SSBP3: variants seen among roughly 807,000 people sequenced by gnomAD.
SSBP3 encodes the protein single stranded DNA binding protein 3, also known as single-stranded DNA-binding protein 3.
A neutral mutation model predicts 69.6 loss-of-function variants in SSBP3; 5 were observed. The ratio of observed to expected loss-of-function variants is 0.07; its 90% CI spans 0.04 to 0.15. The LOEUF is 0.15. Among genes scored for constraint, SSBP3 ranks in the 10% least tolerant of loss-of-function variants. The pLI is 1.00. For synonymous variants in SSBP3, 196 were observed against 193.4 expected, an observed-to-expected ratio of 1.01 and a Z score of -0.11; for missense variants, 312 against 534.0, an observed-to-expected ratio of 0.58 and a Z score of 4.10.
At chr1:54,405,964 C>T (rs1297943255) in exon 1 of SSBP3, 4 of 1,457,562 alleles carry the variant, frequency 2.7e-6, no homozygotes, top group Admixed American at 2.2e-5. Context: ...TTTCCCGAGC[C>T]TGCCCATCCG....
chr1:54,309,046 A>AT (rs1415703998), intron 4 of SSBP3, among the ~76,000 whole-genome samples: 1 of 152,266 alleles, frequency 6.6e-6, no homozygotes, highest in Non-Finnish European at 1.5e-5. Context: ...GAACTGGGGC[A>AT]TATGTGCATA....
intron 4 of SSBP3, among the ~76,000 whole-genome samples, chr1:54,389,785 G>A (rs1648351128): frequency 1.3e-5 from 2 of 152,174 alleles, no homozygotes; most frequent in South Asian, 2.1e-4. Flanking sequence ...GGCTGAGCCA[G>A]GAGAATCACC....
In SSBP3 at chr1:54,250,196, G is replaced by T. The variant is rs1002006090; in HGVS notation, c.651+1420C>A. ...CAGCTTAAAAGGAGCTAGCAGAAAC[G>T]CGAACTTTGGAGGATTTGAGGAAGG... is the stretch of plus-strand genomic sequence containing the variant. On this transcript the variant is annotated intron_variant, in intron 9 of 17. Coordinates refer to ENST00000610401, the Ensembl canonical transcript of SSBP3. Among the ~76,000 whole-genome samples, 4 of 152,192 alleles carry T rather than the reference G, an allele frequency of 2.6e-5. No individual in the cohort carries two copies. In the East Asian group the frequency reaches 5.8e-4, roughly 22 times the overall value.
At chr1:54,336,323 G>A (rs990507220) in intron 4 of SSBP3, among the ~76,000 whole-genome samples, 1 of 152,176 alleles carries the variant, frequency 6.6e-6, no homozygotes, top group East Asian at 1.9e-4. Context: ...GGGACTCACC[G>A]GAAATCTTCC....
intron 4 of SSBP3, among the ~76,000 whole-genome samples, chr1:54,389,689 T>C (rs1229322069): frequency 6.6e-6 from 1 of 150,958 alleles, no homozygotes; most frequent in Non-Finnish European, 1.5e-5. Flanking sequence ...AAACCCTGTC[T>C]CTACCAAAAA....
intron 4 of SSBP3, among the ~76,000 whole-genome samples, chr1:54,388,377 A>G (rs1309585851): frequency 6.6e-6 from 1 of 152,232 alleles, no homozygotes; most frequent in Non-Finnish European, 1.5e-5. Context: ...AAATGAGGTC[A>G]TAACAGCCCC....
chr1:54,234,450 T>TG (rs1174422176), intron 14 of SSBP3, among the ~76,000 whole-genome samples: 2 of 151,982 alleles, frequency 1.3e-5, no homozygotes, highest in African/African-American at 4.8e-5. Flanking sequence ...TAGCCGGGTG[T>TG]GGTGGCACGT....
chr1:54,327,472 T>C (rs1300540777), intron 4 of SSBP3, among the ~76,000 whole-genome samples: 1 of 152,090 alleles, frequency 6.6e-6, no homozygotes, highest in Non-Finnish European at 1.5e-5. Flanking sequence ...CATCAATCAC[T>C]CTGTAATGTG....
chr1:54,283,643 G>A (rs1157813749), intron 4 of SSBP3, among the ~76,000 whole-genome samples: 1 of 152,216 alleles, frequency 6.6e-6, no homozygotes, highest in Non-Finnish European at 1.5e-5. Flanking sequence ...CAGATGAAGA[G>A]AATGGGCAAG....
chr1:54,405,288 G>A (rs1392476707), intron 1 of SSBP3, among the ~76,000 whole-genome samples: 4 of 152,152 alleles, frequency 2.6e-5, no homozygotes, highest in Non-Finnish European at 4.4e-5. Flanking sequence ...CAGCTTTGGA[G>A]GTCCGAGGAG....
rs213488 is a variant in SSBP3 at position 54,391,614 on chromosome 1, G to A, written c.276+10247C>T. ...GGATCAGAGGAAAACCTCAGGCAGC[G>A]GCCCCAGGGAGCAGTTGTGCTTCTT... is the stretch of plus-strand genomic sequence containing the variant. On this transcript the variant is annotated intron_variant, in intron 4 of 17. Coordinates refer to ENST00000610401, the Ensembl canonical transcript of SSBP3. 4.0e-3 allele frequency among the ~76,000 whole-genome samples: 609 copies of A among 152,300 alleles called. 5 individuals are homozygous for A. Among genetic ancestry groups the A allele is most frequent in the African/African-American group, 0.014 (579 of 41,548 alleles).
chr1:54,290,320 T>G (rs72910090), intron 4 of SSBP3, among the ~76,000 whole-genome samples: 1 of 151,944 alleles, frequency 6.6e-6, no homozygotes, highest in Non-Finnish European at 1.5e-5. Context: ...GACCCTTAGG[T>G]AAGGTGCCCA....
intron 4 of SSBP3, among the ~76,000 whole-genome samples, chr1:54,291,014 C>T (rs1462590024): frequency 6.6e-6 from 1 of 152,182 alleles, no homozygotes; most frequent in Non-Finnish European, 1.5e-5. Context: ...AGTGACAGCT[C>T]CTTAACAAGA....
At chr1:54,251,470 G>C in intron 9 of SSBP3, 146 bp downstream of exon 9, 1 of 903,804 alleles carries the variant, frequency 1.1e-6, no homozygotes, top group Non-Finnish European at 1.7e-6. Context: ...CACAGGAAGC[G>C]GACAGGAGCA....
At chr1:54,301,763 A>G (rs757244347) in intron 4 of SSBP3, among the ~76,000 whole-genome samples, 1 of 150,182 alleles carries the variant, frequency 6.7e-6, no homozygotes, top group Non-Finnish European at 1.5e-5. Context: ...TCCGGCCGCC[A>G]CCACCACCCT....
intron 9 of SSBP3, among the ~76,000 whole-genome samples, chr1:54,250,350 G>C (rs1195172673): frequency 1.3e-5 from 2 of 152,186 alleles, no homozygotes; most frequent in Non-Finnish European, 2.9e-5. Flanking sequence ...CCACAGAGAA[G>C]AAAGCGGTGG....
At chr1:54,289,815 TA>T (rs1247375082) in intron 4 of SSBP3, among the ~76,000 whole-genome samples, 3 of 151,780 alleles carry the variant, frequency 2.0e-5, no homozygotes, top group Non-Finnish European at 4.4e-5. Context: ...ATCTCCAGGG[TA>T]GGGGGTGGGT....
At chr1:54,251,495 G>T in intron 9 of SSBP3, 121 bp downstream of exon 9, 3 of 1,100,842 alleles carry the variant, frequency 2.7e-6, no homozygotes, top group Non-Finnish European at 4.0e-6. Context: ...ATGCGGCCAT[G>T]CCCTTCCTCT....
chr1:54,271,679 G>T (rs1215850099), intron 5 of SSBP3, among the ~76,000 whole-genome samples: 1 of 152,214 alleles, frequency 6.6e-6, no homozygotes, highest in East Asian at 1.9e-4. Flanking sequence ...TTCATGAAGG[G>T]TGTGCCCCTC....
Sources: allele counts gnomAD v4.1 joint callset (sites outside exome capture counted in the v4.1 genomes callset), GRCh38; gene constraint gnomAD v4.1.1; transcripts MANE v1.5; gene names NCBI Gene and HGNC (gene_info 2026-07-23, HGNC 2026-07-21).